The following CCSER1 variants were observed in gnomAD, a reference collection of about 807,000 sequenced individuals.
CCSER1 encodes serine-rich coiled-coil domain-containing protein 1.
CCSER1 carries 41 observed loss-of-function variants against 82.0 expected under a neutral mutation model. The ratio of observed to expected loss-of-function variants is 0.50; its 90% CI spans 0.39 to 0.65. CCSER1 has a LOEUF of 0.65. CCSER1 is among the 30% of genes least tolerant of loss of function. The pLI is 0.00. For synonymous variants in CCSER1, 414 were observed against 383.9 expected (o/e 1.08, Z -0.92); for missense variants, 1,119 against 1,064.2 (o/e 1.05, Z -0.72).
intron 1 of CCSER1, among the ~76,000 whole-genome samples, chr4:90,164,655 G>A (rs1476695325): frequency 6.6e-6 from 1 of 152,078 alleles, no homozygotes; most frequent in African/African-American, 2.4e-5. Flanking sequence ...GAAAATTAGA[G>A]TTGTCTAGAC....
intron 10 of CCSER1, among the ~76,000 whole-genome samples, chr4:91,594,338 T>C (rs1242345770): frequency 6.8e-6 from 1 of 146,182 alleles, no homozygotes; most frequent in East Asian, 2.0e-4. Context: ...TGTACACACA[T>C]ATATATACAT....
At position 90,893,433 on chromosome 4, in the gene CCSER1, TATAA is replaced by T. The variant is rs139909235; in HGVS notation, c.2095-29933_2095-29930del. On this transcript the variant is annotated intron_variant, in intron 8 of 10. Transcript: ENST00000509176. Reference sequence around the variant, plus strand: ...CCTCACCCAGAAAAACCCCTGCCAATATAAATATTCACAACTGTAGTTTGAGGAA... The same window carrying T: ...CCTCACCCAGAAAAACCCCTGCCAATATATTCACAACTGTAGTTTGAGGAA... Among the ~76,000 whole-genome samples the T allele has an allele frequency of 9.4e-3, 1,435 of 152,070 alleles. 20 individuals carry two copies. The highest frequency in any genetic ancestry group is 0.033 in the African/African-American group (1,369 of 41,506).
intron 8 of CCSER1, among the ~76,000 whole-genome samples, chr4:90,915,867 A>G (rs1727297865): frequency 6.6e-6 from 1 of 151,964 alleles, no homozygotes; most frequent in Admixed American, 6.6e-5. Flanking sequence ...TTATACACCA[A>G]TAACAGACAA....
chr4:90,356,172 AC>A, intron 3 of CCSER1, among the ~76,000 whole-genome samples: 1 of 151,998 alleles, frequency 6.6e-6, no homozygotes, highest in African/African-American at 2.4e-5. Context: ...TATCAAACAC[AC>A]TATATATATC....
chr4:91,172,313 A>G (rs1348874488), intron 10 of CCSER1, among the ~76,000 whole-genome samples: 1 of 152,230 alleles, frequency 6.6e-6, no homozygotes, highest in Admixed American at 6.5e-5. Flanking sequence ...TACAGAGAGA[A>G]AAAAGGAGAG....
At chr4:91,463,869 T>G (rs556171854) in intron 10 of CCSER1, among the ~76,000 whole-genome samples, 1 of 152,266 alleles carries the variant, frequency 6.6e-6, no homozygotes, top group South Asian at 2.1e-4. Flanking sequence ...AGACCAAATC[T>G]AGGTCTGATT....
chr4:91,082,301 A>C (rs111835859), intron 9 of CCSER1, among the ~76,000 whole-genome samples: 29,761 of 151,700 alleles, frequency 0.2, 3,780 homozygotes, highest in Non-Finnish European at 0.28. Context: ...CAAAAACAAG[A>C]AATGGGGAAA....
At chr4:90,242,243 C>T (rs1303886503) in intron 1 of CCSER1, among the ~76,000 whole-genome samples, 3 of 152,290 alleles carry the variant, frequency 2.0e-5, no homozygotes, top group South Asian at 2.1e-4. Flanking sequence ...GGAGACGGAG[C>T]TTGCAGTGAG....
chr4:90,176,425 GTTGTTTTC>G (rs1212478819), intron 1 of CCSER1, among the ~76,000 whole-genome samples: 1 of 151,962 alleles, frequency 6.6e-6, no homozygotes, highest in Admixed American at 6.6e-5. Flanking sequence ...TCAATGAGAT[GTTGTTTTC>G]TGAAATAAAC....
rs553090002 is a variant in CCSER1 at position 91,456,825 on chromosome 4, C to G, written c.2218-141747C>G. Among the ~76,000 whole-genome samples the G allele has an allele frequency of 9.9e-5, 15 of 152,182 alleles. 1 individual carries two copies. The South Asian group carries it at 3.1e-3, about 32-fold the overall frequency. On this transcript the variant is annotated intron_variant, in intron 10 of 10. Coordinates refer to ENST00000509176, the MANE Select transcript of CCSER1 (RefSeq NM_001145065.2). The stretch of plus-strand genomic sequence containing the variant: ...ACTAATACTGATATTTTTATTGAAT[C>G]TAATAAATGTTATCTTGTTTGCCAA...
At chr4:90,972,674 C>T (rs1337521547) in intron 9 of CCSER1, among the ~76,000 whole-genome samples, 1 of 151,578 alleles carries the variant, frequency 6.6e-6, no homozygotes, top group Non-Finnish European at 1.5e-5. Flanking sequence ...TTCTGAAATT[C>T]ATATGGAATC....
intron 9 of CCSER1, among the ~76,000 whole-genome samples, chr4:90,955,725 C>G (rs1297229545): frequency 2.6e-5 from 4 of 152,104 alleles, no homozygotes; most frequent in Non-Finnish European, 5.9e-5. Flanking sequence ...CTGCACATGC[C>G]TCATTTCTAT....
chr4:90,319,656 A>G (rs1286714750), intron 3 of CCSER1, among the ~76,000 whole-genome samples: 1 of 152,196 alleles, frequency 6.6e-6, no homozygotes, highest in Admixed American at 6.5e-5. Flanking sequence ...TCTCAAAAAA[A>G]AGCAAAGATG....
At chr4:90,958,027 G>A (rs1733701548) in intron 9 of CCSER1, among the ~76,000 whole-genome samples, 1 of 151,994 alleles carries the variant, frequency 6.6e-6, no homozygotes, top group South Asian at 2.1e-4. Flanking sequence ...GTTAGCTGGG[G>A]GATCTTCCAA....
chr4:90,704,559 T>C (rs1016487687), intron 6 of CCSER1, among the ~76,000 whole-genome samples: 5 of 152,232 alleles, frequency 3.3e-5, no homozygotes, highest in Admixed American at 6.5e-5. Context: ...GATAATATCC[T>C]GCAGAGTGTT....
chr4:91,380,153 T>A (rs924392959), intron 10 of CCSER1, among the ~76,000 whole-genome samples: 3 of 152,090 alleles, frequency 2.0e-5, no homozygotes, highest in Admixed American at 2.0e-4. Flanking sequence ...TGCTGAGGAG[T>A]GCTTTACTTC....
chr4:90,769,142 G>C (rs988898008), intron 7 of CCSER1, among the ~76,000 whole-genome samples: 2 of 152,130 alleles, frequency 1.3e-5, no homozygotes, highest in Non-Finnish European at 2.9e-5. Context: ...ATAGCTTCTA[G>C]AAAGTTTAAA....
intron 3 of CCSER1, among the ~76,000 whole-genome samples, chr4:90,371,725 A>T (rs1747457986): frequency 1.3e-5 from 2 of 152,174 alleles, no homozygotes; most frequent in Admixed American, 1.3e-4. Context: ...ACCATAAACT[A>T]AAAACAGTGT....
At chr4:90,403,575 A>T (rs1339843322) in intron 4 of CCSER1, among the ~76,000 whole-genome samples, 1 of 151,976 alleles carries the variant, frequency 6.6e-6, no homozygotes, top group Non-Finnish European at 1.5e-5. Flanking sequence ...TATTGATAAA[A>T]ATCACAGCAT....
Sources: allele counts gnomAD v4.1 joint callset (sites outside exome capture counted in the v4.1 genomes callset), GRCh38; gene constraint gnomAD v4.1.1; transcripts MANE v1.5; gene names NCBI Gene and HGNC (gene_info 2026-07-23, HGNC 2026-07-21).